The following CHRNB3 variants were observed in gnomAD, a reference collection of about 807,000 sequenced individuals.
The protein encoded by CHRNB3 is neuronal acetylcholine receptor subunit beta-3.
CHRNB3 carries 37 observed loss-of-function variants against 40.6 expected under a neutral mutation model. That is an observed-to-expected ratio of 0.91 (90% CI 0.70 to 1.20). The LOEUF is 1.20. Ranked by LOEUF, CHRNB3 falls within the 50% of genes most tolerant of loss-of-function variation. The pLI is 0.00. For missense variants in CHRNB3, 505 were observed against 551.2 expected, an observed-to-expected ratio of 0.92 and a Z score of 0.84; for synonymous variants, 207 against 207.1, an observed-to-expected ratio of 1.00 and a Z score of 0.00.
Position 42,732,460 on chromosome 8 carries a change from G to T in CHRNB3, c.1153G>T (p.Glu385Ter). 1.2e-6 allele frequency: 2 copies of T among 1,613,524 alleles called. No homozygotes were observed. Among genetic ancestry groups the T allele is most frequent in the Non-Finnish European group, 1.7e-6 (2 of 1,179,938 alleles). The change falls in exon 5 of 6, where the codon GAA becomes TAA. Residue 385 changes from glutamate to a stop codon, truncating the protein, a stop_gained. Transcript: ENST00000289957. LOFTEE classifies it high-confidence loss of function. ...KKKQKQLSDG[E>*]KVLVAFLEKA... ...GAAACAGAAACAGCTTAGTGATGGA[G>T]AAAAAGTTCTAGTTGCTTTTTTGGA... is the stretch of plus-strand genomic sequence containing the variant.
chr8:42,731,831 C>T lies in CHRNB3; in HGVS notation c.524C>T (p.Thr175Ile), dbSNP rs1406270805. The change falls in exon 5 of 6, where the codon ACT (threonine) becomes ATT (isoleucine). Residue 175 changes from threonine to isoleucine, a missense_variant. Physicochemically the swap from Thr to Ile is moderately conservative, Grantham distance 89. Coordinates refer to ENST00000289957, the MANE Select transcript of CHRNB3 (RefSeq NM_000749.5). ...QNCSMKFGSW[T>I]YDGTMVDLIL... is the part of the protein sequence containing the mutation. ...TGCTCCATGAAGTTTGGATCCTGGA[C>T]TTATGATGGCACCATGGTTGACCTC... is the stretch of plus-strand genomic sequence containing the variant. The T allele has an allele frequency of 6.2e-7, 1 of 1,614,094 alleles. No homozygotes were observed. The highest frequency in any genetic ancestry group is 8.5e-7 in the Non-Finnish European group (1 of 1,180,030).
At chr8:42,699,175 T>G (rs1235443172) in intron 1 of CHRNB3, among the ~76,000 whole-genome samples, 1 of 152,228 alleles carries the variant, frequency 6.6e-6, no homozygotes, top group Non-Finnish European at 1.5e-5. Context: ...TTTTTTCAAA[T>G]TACAAGAGGC....
intron 4 of CHRNB3, 111 bp from the exon 5 acceptor site, chr8:42,731,556 A>AAAAAG (rs1171762694): frequency 1.0e-5 from 13 of 1,250,296 alleles, no homozygotes; most frequent in Admixed American, 5.5e-5. Flanking sequence ...CTCCATCTCA[A>AAAAAG]AAAAGAAAAG....
chr8:42,711,522 G>A (rs1816016341), intron 3 of CHRNB3, among the ~76,000 whole-genome samples: 1 of 151,844 alleles, frequency 6.6e-6, no homozygotes, highest in East Asian at 1.9e-4. Context: ...AGCCTCCTAA[G>A]TAGCTGGGAT....
At chr8:42,708,663 T>C (rs1302909724) in intron 1 of CHRNB3, 54 bp from the exon 2 acceptor site, 8 of 1,581,806 alleles carry the variant, frequency 5.1e-6, no homozygotes, top group Non-Finnish European at 6.9e-6. Flanking sequence ...GGGACACTCA[T>C]CCAGGCATCG....
intron 5 of CHRNB3, among the ~76,000 whole-genome samples, chr8:42,733,055 C>CA (rs1816457030): frequency 6.6e-6 from 1 of 151,646 alleles, no homozygotes; most frequent in Non-Finnish European, 1.5e-5. Context: ...GTGAGCCAGG[C>CA]ACAGTGGCTC....
chr8:42,724,193 G>A (rs1030264122), intron 3 of CHRNB3, among the ~76,000 whole-genome samples: 4 of 152,002 alleles, frequency 2.6e-5, no homozygotes, highest in South Asian at 2.1e-4. Flanking sequence ...TCAGGAGTTC[G>A]AGACCAGCCT....
chr8:42,706,834 C>T (rs1047190817), intron 1 of CHRNB3, among the ~76,000 whole-genome samples: 2 of 152,130 alleles, frequency 1.3e-5, no homozygotes, highest in African/African-American at 4.8e-5. Flanking sequence ...TACCACCACT[C>T]ACTGCAGCCT....
chr8:42,705,410 G>A (rs545061866), intron 1 of CHRNB3, among the ~76,000 whole-genome samples: 1 of 152,136 alleles, frequency 6.6e-6, no homozygotes, highest in Non-Finnish European at 1.5e-5. Context: ...TGGGAGGTGG[G>A]GCCTAATGGT....
rs1362048564 is a variant in CHRNB3 at position 42,732,453 on chromosome 8, T to G, written c.1146T>G (p.Ser382Arg). ...VLEKKKQKQL[S>R]DGEKVLVAFL... ...AAAAAAAGAAACAGAAACAGCTTAG[T>G]GATGGAGAAAAAGTTCTAGTTGCTT... Residue 382 changes from serine to arginine, a missense_variant, in exon 5 of 6, where the codon AGT becomes AGG. By Grantham distance (110) the Ser-to-Arg change is moderately radical. Coordinates refer to ENST00000289957, the MANE Select transcript of CHRNB3 (RefSeq NM_000749.5). The G allele has an allele frequency of 1.2e-6, 2 of 1,613,722 alleles. No homozygotes were observed. Among genetic ancestry groups the G allele is most frequent in the African/African-American group, 2.7e-5 (2 of 74,862 alleles).
At chr8:42,708,128 C>A (rs1815949276) in intron 1 of CHRNB3, among the ~76,000 whole-genome samples, 1 of 152,138 alleles carries the variant, frequency 6.6e-6, no homozygotes, top group South Asian at 2.1e-4. Context: ...TGGGTGTTGA[C>A]CCCATGATGG....
intron 3 of CHRNB3, among the ~76,000 whole-genome samples, chr8:42,717,815 C>T (rs1005895420): frequency 6.9e-6 from 1 of 145,924 alleles, no homozygotes; most frequent in Non-Finnish European, 1.5e-5. Context: ...TGAGCTTTCT[C>T]ATCCTTTTTT....
chr8:42,725,278 T>G (rs1816289503), intron 3 of CHRNB3, among the ~76,000 whole-genome samples: 1 of 151,598 alleles, frequency 6.6e-6, no homozygotes, highest in Non-Finnish European at 1.5e-5. Context: ...TTAGTAGAGA[T>G]GGGGTTTCTC....
chr8:42,718,785 T>C (rs76121545), intron 3 of CHRNB3, among the ~76,000 whole-genome samples: 4,868 of 152,136 alleles, frequency 0.032, 126 homozygotes, highest in Middle Eastern at 0.11. Flanking sequence ...GGTTGTGGTT[T>C]AGCTAGACAT....
At chr8:42,700,014 C>CTTTTTTTTT (rs1468745766) in intron 1 of CHRNB3, among the ~76,000 whole-genome samples, 2 of 148,562 alleles carry the variant, frequency 1.3e-5, no homozygotes, top group African/African-American at 5.1e-5. Flanking sequence ...TCAATAATTT[C>CTTTTTTTTT]TTTTCTTTTT....
At chr8:42,712,444 C>G (rs1816032450) in intron 3 of CHRNB3, among the ~76,000 whole-genome samples, 2 of 152,080 alleles carry the variant, frequency 1.3e-5, no homozygotes, top group African/African-American at 4.8e-5. Flanking sequence ...CAAATGTCTC[C>G]CACCCAACAA....
intron 5 of CHRNB3, among the ~76,000 whole-genome samples, chr8:42,735,126 A>T: frequency 6.6e-6 from 1 of 152,066 alleles, no homozygotes; most frequent in East Asian, 1.9e-4. Context: ...AGGCTGAGGC[A>T]GGAGAATGGT....
intron 3 of CHRNB3, among the ~76,000 whole-genome samples, chr8:42,726,660 G>A (rs541803263): frequency 6.6e-6 from 1 of 151,858 alleles, no homozygotes; most frequent in Non-Finnish European, 1.5e-5. Flanking sequence ...CATCATGCCC[G>A]GCTAATTTTT....
chr8:42,722,811 A>C (rs62518212), intron 3 of CHRNB3, among the ~76,000 whole-genome samples: 1 of 151,890 alleles, frequency 6.6e-6, no homozygotes, highest in Non-Finnish European at 1.5e-5. Context: ...GAAGCGACCC[A>C]CCTGCCTCAG....
Sources: allele counts gnomAD v4.1 joint callset (sites outside exome capture counted in the v4.1 genomes callset), GRCh38; gene constraint gnomAD v4.1.1; transcripts MANE v1.5; gene names NCBI Gene and HGNC (gene_info 2026-07-23, HGNC 2026-07-21).